Variants in EPHA6 observed in about 807,000 individuals in gnomAD.
The protein encoded by EPHA6 is EPH receptor A6.
EPHA6 carries 50 observed loss-of-function variants against 112.0 expected under a neutral mutation model. The ratio of observed to expected loss-of-function variants is 0.45; its 90% CI spans 0.36 to 0.56. The LOEUF (loss-of-function observed/expected upper bound fraction) is 0.56, where lower values mean the gene tolerates loss of function less well. EPHA6 is among the 20% of genes least tolerant of loss of function. EPHA6 has a pLI of 0.00. For synonymous variants in EPHA6, 529 were observed against 490.7 expected (o/e 1.08, Z -1.03); for missense variants, 1,280 against 1,417.4 (o/e 0.90, Z 1.56).
At chr3:97,079,321 C>T (rs574464174) in intron 3 of EPHA6, among the ~76,000 whole-genome samples, 97 of 152,150 alleles carry the variant, frequency 6.4e-4, no homozygotes, top group Admixed American at 1.2e-3. Context: ...AGAGGGAGAC[C>T]ATTATCCTTA....
At chr3:97,654,190 A>T (rs964081437) in intron 14 of EPHA6, among the ~76,000 whole-genome samples, 1 of 151,988 alleles carries the variant, frequency 6.6e-6, no homozygotes. Context: ...ACCTAGCTTG[A>T]TTGTGGTTAT....
At chr3:97,619,621 C>A (rs1286302896) in intron 13 of EPHA6, among the ~76,000 whole-genome samples, 1 of 151,764 alleles carries the variant, frequency 6.6e-6, no homozygotes, top group Non-Finnish European at 1.5e-5. Context: ...TATACACCAA[C>A]AACAGTCAGG....
At chr3:97,661,220 G>A (rs1002888887) in intron 14 of EPHA6, among the ~76,000 whole-genome samples, 4 of 152,004 alleles carry the variant, frequency 2.6e-5, no homozygotes, top group South Asian at 2.1e-4. Context: ...AGGATTTTTG[G>A]TATTACATTA....
chr3:96,986,049 A>G (rs999700247), intron 2 of EPHA6, among the ~76,000 whole-genome samples: 2 of 152,100 alleles, frequency 1.3e-5, no homozygotes, highest in African/African-American at 2.4e-5. Context: ...TATGATGCCT[A>G]GCATGTTTTC....
chr3:97,403,402 C>T (rs1269208013), intron 5 of EPHA6, among the ~76,000 whole-genome samples: 2 of 152,012 alleles, frequency 1.3e-5, no homozygotes, highest in African/African-American at 4.8e-5. Context: ...ATACAGTATT[C>T]TTCATTTGAT....
intron 14 of EPHA6, among the ~76,000 whole-genome samples, chr3:97,642,130 C>A (rs368125329): frequency 1.5e-5 from 2 of 130,376 alleles, no homozygotes; most frequent in Non-Finnish European, 3.3e-5. Context: ...GGGTACCTGA[C>A]CCCTGACCCC....
At chr3:97,385,959 T>C (rs922865796) in intron 5 of EPHA6, among the ~76,000 whole-genome samples, 1 of 152,046 alleles carries the variant, frequency 6.6e-6, no homozygotes, top group Non-Finnish European at 1.5e-5. Flanking sequence ...ACATTTAAGA[T>C]TACAATTTGA....
Position 97,532,020 on chromosome 3 carries a change from A to G in EPHA6, c.2201-338A>G, listed in dbSNP as rs550002800. 2.0e-5 allele frequency among the ~76,000 whole-genome samples: 3 copies of G among 152,196 alleles called. No homozygotes were observed. The East Asian group carries it at 5.8e-4, about 29-fold the overall frequency. On this transcript the variant is annotated intron_variant, in intron 10 of 17. Coordinates refer to ENST00000389672, the MANE Select transcript of EPHA6 (RefSeq NM_001080448.3). ...ATTTGGGCCATATTTCAGCATTGAG[A>G]ACAGGAACAGAAGACATTATGCTGT...
chr3:97,516,471 A>G (rs2092450189), intron 10 of EPHA6, among the ~76,000 whole-genome samples: 1 of 152,216 alleles, frequency 6.6e-6, no homozygotes, highest in African/African-American at 2.4e-5. Flanking sequence ...AAGGTATGCT[A>G]TATATCAGGA....
intron 14 of EPHA6, among the ~76,000 whole-genome samples, chr3:97,653,785 A>T (rs1243731259): frequency 6.6e-6 from 1 of 151,972 alleles, no homozygotes; most frequent in Non-Finnish European, 1.5e-5. Flanking sequence ...GGATAAAGAA[A>T]ATGTGGTGTG....
chr3:97,330,157 G>C (rs888511395), intron 5 of EPHA6, among the ~76,000 whole-genome samples: 15 of 152,036 alleles, frequency 9.9e-5, no homozygotes, highest in African/African-American at 3.4e-4. Context: ...TGAGGGCTCT[G>C]TTCTGTTCCA....
chr3:97,152,431 AAAT>A (rs2076191822), intron 3 of EPHA6, among the ~76,000 whole-genome samples: 1 of 149,164 alleles, frequency 6.7e-6, no homozygotes, highest in Admixed American at 6.7e-5. Flanking sequence ...TATTATTAAT[AAAT>A]AATATATATT....
intron 3 of EPHA6, among the ~76,000 whole-genome samples, chr3:97,116,479 A>G (rs1391294167): frequency 2.0e-5 from 3 of 151,770 alleles, no homozygotes; most frequent in East Asian, 1.9e-4. Flanking sequence ...CAAAAACTTT[A>G]TACTCTTTGT....
At position 97,418,381 on chromosome 3, in the gene EPHA6, A is replaced by G. The variant is rs564101890; in HGVS notation, c.1731+13107A>G. Among the ~76,000 whole-genome samples the G allele has an allele frequency of 6.6e-5, 10 of 152,196 alleles. No homozygotes were observed. The South Asian group carries it at 2.1e-3, about 32-fold the overall frequency. Reference sequence around the variant, plus strand: ...GAAGTATAACATGTTCAAAATAGGAAAAATAACACATATCTAGAAACTTTA... The same window carrying G: ...GAAGTATAACATGTTCAAAATAGGAGAAATAACACATATCTAGAAACTTTA... On this transcript the variant is annotated intron_variant, in intron 6 of 17. Transcript: ENST00000389672.
At chr3:97,044,684 G>A (rs1354429937) in intron 3 of EPHA6, among the ~76,000 whole-genome samples, 1 of 151,664 alleles carries the variant, frequency 6.6e-6, no homozygotes, top group African/African-American at 2.4e-5. Flanking sequence ...AAAAATAAAG[G>A]GATCAATTAA....
At chr3:97,578,748 A>G (rs1350708786) in intron 11 of EPHA6, among the ~76,000 whole-genome samples, 2 of 152,182 alleles carry the variant, frequency 1.3e-5, no homozygotes, top group African/African-American at 4.8e-5. Flanking sequence ...GATTATTCTT[A>G]CTTTTTTAAC....
chr3:97,504,737 T>G (rs2107567767), intron 10 of EPHA6, among the ~76,000 whole-genome samples: 1 of 152,190 alleles, frequency 6.6e-6, no homozygotes, highest in East Asian at 1.9e-4. Context: ...TTGGTGTATA[T>G]CCTTCTAATC....
At chr3:96,908,327 A>G (rs1022412888) in intron 2 of EPHA6, among the ~76,000 whole-genome samples, 1 of 151,978 alleles carries the variant, frequency 6.6e-6, no homozygotes, top group Non-Finnish European at 1.5e-5. Context: ...TTTTCTATAT[A>G]TATTATAGGA....
At chr3:97,555,582 G>A (rs2093094779) in intron 11 of EPHA6, among the ~76,000 whole-genome samples, 5 of 152,128 alleles carry the variant, frequency 3.3e-5, no homozygotes, top group Admixed American at 2.0e-4. Flanking sequence ...ATCCTCTCCA[G>A]CACCTGTTGT....
Sources: allele counts gnomAD v4.1 joint callset (sites outside exome capture counted in the v4.1 genomes callset), GRCh38; gene constraint gnomAD v4.1.1; transcripts MANE v1.5; gene names NCBI Gene and HGNC (gene_info 2026-07-23, HGNC 2026-07-21).